Variants in RBFOX1 observed in about 807,000 individuals in gnomAD.
RBFOX1 encodes RNA binding fox-1 homolog 1.
A neutral mutation model predicts 57.7 loss-of-function variants in RBFOX1; 8 were observed. The observed-to-expected ratio is 0.14, with a 90% CI of 0.08 to 0.25. RBFOX1 has a LOEUF of 0.25. Among genes scored for constraint, RBFOX1 ranks in the 10% least tolerant of loss-of-function variants. The pLI, the probability that RBFOX1 is intolerant of heterozygous loss-of-function variation, is 1.00. For synonymous variants in RBFOX1, 326 were observed against 222.4 expected (o/e 1.47, Z -4.15); for missense variants, 611 against 548.5 (o/e 1.11, Z -1.14).
intron 11 of RBFOX1, among the ~76,000 whole-genome samples, chr16:7,650,051 GGGAAGACAAAAGGAA>G (rs1464353000): frequency 2.7e-5 from 4 of 150,866 alleles, no homozygotes; most frequent in Non-Finnish European, 4.4e-5. Flanking sequence ...ACAGGAGGGA[GGGAAGACAAAAGGAA>G]GGAAGAAAAA....
chr16:7,326,831 C>G (rs967565288), intron 4 of RBFOX1, among the ~76,000 whole-genome samples: 2 of 152,134 alleles, frequency 1.3e-5, no homozygotes, highest in Non-Finnish European at 2.9e-5. Context: ...TTGTGATGAC[C>G]TTGGAAACAT....
At chr16:5,476,126 C>G (rs1310363250) in intron 2 of RBFOX1, among the ~76,000 whole-genome samples, 1 of 152,164 alleles carries the variant, frequency 6.6e-6, no homozygotes, top group Non-Finnish European at 1.5e-5. Context: ...ACCAGCACCA[C>G]TCACGTTTTA....
intron 1 of RBFOX1, among the ~76,000 whole-genome samples, chr16:6,196,483 T>C (rs571655952): frequency 2.0e-4 from 31 of 152,332 alleles, no homozygotes; most frequent in Non-Finnish European, 3.4e-4. Flanking sequence ...TCTGGACTTT[T>C]ATTAACGATA....
At chr16:6,801,628 A>G (rs1371391737) in intron 3 of RBFOX1, among the ~76,000 whole-genome samples, 1 of 151,992 alleles carries the variant, frequency 6.6e-6, no homozygotes, top group Non-Finnish European at 1.5e-5. Context: ...ATCAGGAGAC[A>G]GCTAATTGGG....
At chr16:6,600,830 A>C (rs2097844367) in intron 2 of RBFOX1, among the ~76,000 whole-genome samples, 1 of 152,218 alleles carries the variant, frequency 6.6e-6, no homozygotes, top group South Asian at 2.1e-4. Flanking sequence ...TAGAAAAAAA[A>C]TCCCTTTAGA....
intron 3 of RBFOX1, among the ~76,000 whole-genome samples, chr16:6,811,551 G>T (rs1289459928): frequency 1.2e-4 from 18 of 152,118 alleles, no homozygotes; most frequent in Non-Finnish European, 2.6e-4. Context: ...CTTTTGTTTT[G>T]TTTTCTGGCG....
intron 4 of RBFOX1, among the ~76,000 whole-genome samples, chr16:5,916,535 C>T (rs2152219581): frequency 6.6e-6 from 1 of 152,256 alleles, no homozygotes; most frequent in Non-Finnish European, 1.5e-5. Context: ...CCTATGTGCC[C>T]AGCCCTTCCT....
intron 3 of RBFOX1, among the ~76,000 whole-genome samples, chr16:6,676,673 CTTTTTTTTT>C (rs756578276): frequency 9.7e-6 from 1 of 103,550 alleles, no homozygotes; most frequent in Non-Finnish European, 1.9e-5. Flanking sequence ...TTTTTCTTTT[CTTTTTTTTT>C]TTTTTTTTTT....
intron 4 of RBFOX1, among the ~76,000 whole-genome samples, chr16:7,106,601 A>C (rs896999425): frequency 5.9e-5 from 9 of 152,114 alleles, no homozygotes; most frequent in African/African-American, 2.2e-4. Context: ...ATATCTGTCT[A>C]TCTCAAGGTC....
At chr16:5,863,989 G>A (rs2057286660) in intron 3 of RBFOX1, among the ~76,000 whole-genome samples, 1 of 152,174 alleles carries the variant, frequency 6.6e-6, no homozygotes, top group African/African-American at 2.4e-5. Context: ...TTGTTGTACA[G>A]ATGATTTCAT....
At chr16:5,575,463 C>G (rs2046420664) in intron 2 of RBFOX1, among the ~76,000 whole-genome samples, 1 of 152,130 alleles carries the variant, frequency 6.6e-6, no homozygotes, top group South Asian at 2.1e-4. Context: ...GATGATACAC[C>G]AAGAATGCAG....
chr16:7,273,804 T>A (rs1300075031), intron 4 of RBFOX1, among the ~76,000 whole-genome samples: 1 of 152,248 alleles, frequency 6.6e-6, no homozygotes, highest in Non-Finnish European at 1.5e-5. Flanking sequence ...TAAACTTGTT[T>A]ATTTTTCCAG....
At chr16:5,339,576 G>A (rs752552263) in intron 1 of RBFOX1, among the ~76,000 whole-genome samples, 1 of 140,268 alleles carries the variant, frequency 7.1e-6, no homozygotes, top group Admixed American at 7.8e-5. Flanking sequence ...TTCAACTCTC[G>A]GGTTCAGGTG....
At position 6,376,485 on chromosome 16, in the gene RBFOX1, G is replaced by A. The variant is rs191179784; in HGVS notation, c.-64+59428G>A. 1.5e-3 allele frequency among the ~76,000 whole-genome samples: 226 copies of A among 152,290 alleles called. 1 individual carries two copies. Among genetic ancestry groups the A allele is most frequent in the Admixed American group, 0.01 (159 of 15,306 alleles). On this transcript the variant is annotated intron_variant, in intron 2 of 15. Transcript: ENST00000550418. ...CCTTCGTTGCCTTTTCCAGTTTCTGGTAGTTGCTGGCATTCCCTGGCATTC... is the reference window on the plus strand; with the variant it reads ...CCTTCGTTGCCTTTTCCAGTTTCTGATAGTTGCTGGCATTCCCTGGCATTC...
intron 3 of RBFOX1, among the ~76,000 whole-genome samples, chr16:6,741,775 A>G (rs577319478): frequency 6.6e-6 from 1 of 152,320 alleles, no homozygotes; most frequent in South Asian, 2.1e-4. Flanking sequence ...CATATCTAAT[A>G]AAGAATTAAT....
chr16:7,658,744 A>T (rs530863595), intron 12 of RBFOX1, among the ~76,000 whole-genome samples: 1 of 152,286 alleles, frequency 6.6e-6, no homozygotes, highest in East Asian at 1.9e-4. Context: ...GTTATTTTTG[A>T]GATGGAGTCT....
At chr16:6,427,303 G>A (rs1335993030) in intron 2 of RBFOX1, among the ~76,000 whole-genome samples, 2 of 152,092 alleles carry the variant, frequency 1.3e-5, no homozygotes, top group South Asian at 2.1e-4. Context: ...CATTATCATC[G>A]TCATCTTATG....
chr16:5,518,508 T>G (rs2043880964), intron 2 of RBFOX1, among the ~76,000 whole-genome samples: 1 of 152,212 alleles, frequency 6.6e-6, no homozygotes, highest in Admixed American at 6.5e-5. Flanking sequence ...AAGGACAAAC[T>G]AATTAAGTGG....
At chr16:7,136,997 TTTTA>T (rs1190938284) in intron 4 of RBFOX1, among the ~76,000 whole-genome samples, 2 of 152,254 alleles carry the variant, frequency 1.3e-5, no homozygotes, top group African/African-American at 4.8e-5. Context: ...GCAACAGGAC[TTTTA>T]TTTCAGTCTT....
Sources: gnomAD v4.1 joint callset for allele counts (sites outside exome capture counted in the v4.1 genomes callset) on GRCh38, gnomAD v4.1.1 for gene constraint, MANE v1.5 for transcripts, NCBI Gene and HGNC (gene_info 2026-07-23, HGNC 2026-07-21) for gene names.